The following NFIB variants were observed in gnomAD, a reference collection of about 807,000 sequenced individuals.
NFIB encodes nuclear factor I B.
Under a neutral mutation model 61.5 loss-of-function variants are expected in NFIB, and 11 were observed. That is an observed-to-expected ratio of 0.18 (90% CI 0.11 to 0.30). The LOEUF is 0.30. Among genes scored for constraint, NFIB ranks in the 10% least tolerant of loss-of-function variants. NFIB has a pLI of 1.00. For missense variants in NFIB, 471 were observed against 608.9 expected, an observed-to-expected ratio of 0.77 and a Z score of 2.38; for synonymous variants, 260 against 216.5, an observed-to-expected ratio of 1.20 and a Z score of -1.76.
At chr9:14,512,196 G>T in the NFIB span, among the ~76,000 whole-genome samples, 3 of 152,164 alleles carry the variant, frequency 2.0e-5, no homozygotes, top group Non-Finnish European at 2.9e-5. Flanking sequence ...TGGGCAAAGG[G>T]TTCCAACGTC....
In NFIB at chr9:14,083,252, T is replaced by C. The variant is rs953779282; in HGVS notation, c.*5057A>G. 8.9e-6 allele frequency: 2 copies of C among 225,596 alleles called. No homozygotes were observed. Among genetic ancestry groups the C allele is most frequent in the East Asian group, 6.4e-5 (1 of 15,688 alleles). 14.0% of individuals were successfully genotyped at this position (225,596 alleles called of 1,614,324 possible). On this transcript the variant is annotated 3_prime_UTR_variant, in exon 11 of 11. Transcript: ENST00000380953. ...ACAAAGAGTTGTCATGGCAATGAGTTTGGCTGATGCAAAGGTCATTGTGCA... is the reference window on the plus strand; with the variant it reads ...ACAAAGAGTTGTCATGGCAATGAGTCTGGCTGATGCAAAGGTCATTGTGCA...
chr9:14,172,588 T>C (rs2045687283), intron 3 of NFIB, among the ~76,000 whole-genome samples: 1 of 152,250 alleles, frequency 6.6e-6, no homozygotes. Context: ...CCTTTCCTTT[T>C]ATGCCAATAG....
intron 2 of NFIB, among the ~76,000 whole-genome samples, chr9:14,234,992 A>T (rs1388940905): frequency 6.6e-6 from 1 of 152,152 alleles, no homozygotes; most frequent in Admixed American, 6.6e-5. Flanking sequence ...AGACTTTTAA[A>T]TCATTCATTA....
At chr9:14,314,174 CGGGGTG>C, upstream of NFIB, 1 of 25,322 alleles carries the variant, frequency 3.9e-5, no homozygotes, top group Non-Finnish European at 6.4e-5. Flanking sequence ...GGGAGAGGGC[CGGGGTG>C]GGGGCGGGGT....
intron 1 of NFIB, among the ~76,000 whole-genome samples, chr9:14,355,683 G>A (rs2061168159): frequency 6.6e-6 from 1 of 152,236 alleles, no homozygotes; most frequent in Non-Finnish European, 1.5e-5. Context: ...CTGGCCGGCT[G>A]CAGTGGCTCA....
the NFIB span, among the ~76,000 whole-genome samples, chr9:14,425,265 C>G: frequency 6.6e-6 from 1 of 152,236 alleles, no homozygotes; most frequent in East Asian, 1.9e-4. Flanking sequence ...TCACACAGAA[C>G]CAGGATGAAG....
At chr9:14,282,051 A>C (rs2058408125) in intron 2 of NFIB, among the ~76,000 whole-genome samples, 1 of 152,214 alleles carries the variant, frequency 6.6e-6, no homozygotes, top group South Asian at 2.1e-4. Context: ...TCTATTCCAC[A>C]GCTCTGTCTA....
chr9:14,474,702 G>T, the NFIB span, among the ~76,000 whole-genome samples: 1 of 152,148 alleles, frequency 6.6e-6, no homozygotes, highest in Admixed American at 6.5e-5. Context: ...TTAAAATACA[G>T]TGGGGGACAG....
intron 2 of NFIB, among the ~76,000 whole-genome samples, chr9:14,227,579 A>T (rs1231560217): frequency 6.6e-6 from 1 of 152,206 alleles, no homozygotes; most frequent in Non-Finnish European, 1.5e-5. Flanking sequence ...TGGCATGAAA[A>T]TTTACAACGG....
chr9:14,322,766 C>A (rs1057162085), intron 1 of NFIB, among the ~76,000 whole-genome samples: 4 of 151,768 alleles, frequency 2.6e-5, no homozygotes, highest in African/African-American at 9.7e-5. Flanking sequence ...CTGCGCCGCG[C>A]GGCGCCCCTC....
intron 3 of NFIB, among the ~76,000 whole-genome samples, chr9:14,171,435 T>C (rs543472482): frequency 1.1e-4 from 17 of 152,350 alleles, no homozygotes; most frequent in Non-Finnish European, 1.5e-4. Flanking sequence ...TGTGCACACA[T>C]CTCTTGCCCA....
At chr9:14,222,795 C>CAA (rs58787088) in intron 2 of NFIB, among the ~76,000 whole-genome samples, 2 of 86,770 alleles carry the variant, frequency 2.3e-5, no homozygotes, top group East Asian at 3.1e-4. Context: ...GATCCTGTCT[C>CAA]AAAAAAAAAA....
intron 1 of NFIB, among the ~76,000 whole-genome samples, chr9:14,369,419 C>T (rs1300367065): frequency 6.6e-6 from 1 of 152,166 alleles, no homozygotes; most frequent in East Asian, 1.9e-4. Flanking sequence ...AGTATTTCCA[C>T]AGGGGTCCAT....
chr9:14,184,045 T>C (rs1238207932), intron 2 of NFIB, among the ~76,000 whole-genome samples: 2 of 152,202 alleles, frequency 1.3e-5, no homozygotes, highest in African/African-American at 4.8e-5. Flanking sequence ...AATCCTTTCG[T>C]CCACTCCTTT....
At chr9:14,181,929 T>G (rs534785212) in intron 2 of NFIB, among the ~76,000 whole-genome samples, 4 of 152,318 alleles carry the variant, frequency 2.6e-5, no homozygotes, top group African/African-American at 9.6e-5. Flanking sequence ...AGCCTTAGCA[T>G]GTTTAGTTAC....
At chr9:14,433,244 A>G in the NFIB span, among the ~76,000 whole-genome samples, 1 of 152,004 alleles carries the variant, frequency 6.6e-6, no homozygotes, top group African/African-American at 2.4e-5. Flanking sequence ...TACAATACAA[A>G]CCCCAGTCTT....
intron 10 of NFIB, among the ~76,000 whole-genome samples, chr9:14,101,060 A>C (rs1258612935): frequency 6.6e-6 from 1 of 152,236 alleles, no homozygotes; most frequent in African/African-American, 2.4e-5. Context: ...ATTAAATTCA[A>C]TTAAATAAAC....
At chr9:14,299,979 A>G (rs929695340) in intron 2 of NFIB, among the ~76,000 whole-genome samples, 1 of 152,226 alleles carries the variant, frequency 6.6e-6, no homozygotes, top group African/African-American at 2.4e-5. Context: ...TTCAAGTCCT[A>G]TTAGTCTCAC....
chr9:14,140,542 A>C (rs2041569165), intron 6 of NFIB, among the ~76,000 whole-genome samples: 2 of 152,368 alleles, frequency 1.3e-5, no homozygotes, highest in East Asian at 3.9e-4. Context: ...TTTATGAATG[A>C]AAATAGTTGA....
Sources: gnomAD v4.1 joint callset for allele counts (sites outside exome capture counted in the v4.1 genomes callset) on GRCh38, gnomAD v4.1.1 for gene constraint, MANE v1.5 for transcripts, NCBI Gene and HGNC (gene_info 2026-07-23, HGNC 2026-07-21) for gene names.